ACBD6: variants seen among roughly 807,000 people sequenced by gnomAD.
ACBD6 encodes acyl-CoA-binding domain-containing protein 6.
Under a neutral mutation model 37.2 loss-of-function variants are expected in ACBD6, and 28 were observed. The observed-to-expected ratio is 0.75, with a 90% CI of 0.56 to 1.03. The LOEUF is 1.03. Among genes scored for constraint, ACBD6 ranks in the 50% least tolerant of loss-of-function variants. The pLI is 0.00. For synonymous variants in ACBD6, 113 were observed against 126.8 expected, an observed-to-expected ratio of 0.89 and a Z score of 0.73; for missense variants, 340 against 337.4, an observed-to-expected ratio of 1.01 and a Z score of -0.06.
At chr1:180,351,280 GTTTT>G (rs34763031) in intron 6 of ACBD6, among the ~76,000 whole-genome samples, 1 of 125,216 alleles carries the variant, frequency 8.0e-6, no homozygotes, top group Non-Finnish European at 1.8e-5. Context: ...CAGATATTAC[GTTTT>G]TTTTTTTTTT....
intron 6 of ACBD6, among the ~76,000 whole-genome samples, chr1:180,360,158 G>T (rs1413894693): frequency 6.6e-6 from 1 of 151,954 alleles, no homozygotes; most frequent in Non-Finnish European, 1.5e-5. Flanking sequence ...GAACACACAG[G>T]GACCTAAGTT....
At chr1:180,451,569 C>G (rs745491410) in intron 3 of ACBD6, among the ~76,000 whole-genome samples, 5 of 152,108 alleles carry the variant, frequency 3.3e-5, no homozygotes, top group Non-Finnish European at 4.4e-5. Flanking sequence ...AGTATTGATA[C>G]ATGCTACAAT....
At chr1:180,447,494 T>C (rs186574242) in intron 3 of ACBD6, among the ~76,000 whole-genome samples, 126 of 152,310 alleles carry the variant, frequency 8.3e-4, no homozygotes, top group Non-Finnish European at 1.4e-3. Flanking sequence ...TTGGCTTTTG[T>C]CAATTGTCTT....
At chr1:180,288,195 G>T, downstream of ACBD6, 1 of 866,502 alleles carries the variant, frequency 1.2e-6, no homozygotes, top group South Asian at 1.6e-5. Context: ...TGCCTAGAAT[G>T]TATGCAAGAA....
At chr1:180,430,293 A>C in intron 3 of ACBD6, 31 bp from the exon 4 acceptor site, 1 of 1,549,916 alleles carries the variant, frequency 6.5e-7, no homozygotes, top group Non-Finnish European at 8.9e-7. Context: ...AGTGAAAAAA[A>C]GACAAATGGG....
At chr1:180,304,148 T>A (rs1186006708) in intron 7 of ACBD6, among the ~76,000 whole-genome samples, 1 of 150,832 alleles carries the variant, frequency 6.6e-6, no homozygotes. Flanking sequence ...ACAGCCAATA[T>A]CATACTGAAT....
chr1:180,440,275 A>T (rs1649228061), intron 3 of ACBD6, among the ~76,000 whole-genome samples: 1 of 151,814 alleles, frequency 6.6e-6, no homozygotes, highest in African/African-American at 2.4e-5. Flanking sequence ...CACCCGACTA[A>T]TTTTTGCATT....
intron 3 of ACBD6, among the ~76,000 whole-genome samples, chr1:180,477,020 G>A (rs1650825334): frequency 6.6e-6 from 1 of 151,922 alleles, no homozygotes. Context: ...CCTTATCCAT[G>A]GGGTATGTAT....
At chr1:180,432,782 A>G (rs1334908665) in intron 3 of ACBD6, among the ~76,000 whole-genome samples, 1 of 152,186 alleles carries the variant, frequency 6.6e-6, no homozygotes, top group East Asian at 1.9e-4. Context: ...GAACAATTAC[A>G]TGCCAAAAAA....
At chr1:180,361,341 G>A (rs1235009099) in intron 6 of ACBD6, among the ~76,000 whole-genome samples, 8 of 148,352 alleles carry the variant, frequency 5.4e-5, no homozygotes, top group Non-Finnish European at 7.4e-5. Context: ...GAGGATGTCA[G>A]GGCGCTACCT....
chr1:180,310,383 C>T (rs1650539940), intron 7 of ACBD6, among the ~76,000 whole-genome samples: 1 of 152,138 alleles, frequency 6.6e-6, no homozygotes, highest in East Asian at 1.9e-4. Flanking sequence ...ACAAAAAAAC[C>T]CTACTAGAGG....
At chr1:180,480,934 G>A (rs944330712) in intron 3 of ACBD6, among the ~76,000 whole-genome samples, 10 of 152,020 alleles carry the variant, frequency 6.6e-5, no homozygotes, top group Admixed American at 5.2e-4. Context: ...AGGAGGCTGA[G>A]GCAGGAGAAT....
At chr1:180,430,131 A>T (rs765586006) in intron 4 of ACBD6, 49 bp downstream of exon 4, 7 of 1,491,562 alleles carry the variant, frequency 4.7e-6, no homozygotes, top group Admixed American at 1.7e-5. Flanking sequence ...ACACATGCAC[A>T]CACACAGGCA....
chr1:180,313,614 G>A (rs563670219), intron 7 of ACBD6, among the ~76,000 whole-genome samples: 2 of 152,322 alleles, frequency 1.3e-5, no homozygotes, highest in East Asian at 3.9e-4. Flanking sequence ...GCCAAGACTG[G>A]CAAGTGTATT....
chr1:180,487,084 C>T (rs1422624717), intron 3 of ACBD6, among the ~76,000 whole-genome samples: 1 of 151,566 alleles, frequency 6.6e-6, no homozygotes, highest in Non-Finnish European at 1.5e-5. Context: ...CAACTAAATA[C>T]GATGCATGAC....
chr1:180,283,603 T>C (rs1253942005), downstream of ACBD6, among the ~76,000 whole-genome samples: 2 of 152,208 alleles, frequency 1.3e-5, no homozygotes, highest in African/African-American at 4.8e-5. Flanking sequence ...GAAGGAATAG[T>C]GTCCCCAGAA....
At chr1:180,418,785 T>C (rs1558291737) in intron 4 of ACBD6, among the ~76,000 whole-genome samples, 1 of 152,244 alleles carries the variant, frequency 6.6e-6, no homozygotes, top group Non-Finnish European at 1.5e-5. Flanking sequence ...AATGAGAATC[T>C]ATACTATGAT....
intron 3 of ACBD6, among the ~76,000 whole-genome samples, chr1:180,474,459 A>C (rs1650705035): frequency 6.6e-6 from 1 of 152,154 alleles, no homozygotes; most frequent in African/African-American, 2.4e-5. Flanking sequence ...AAGCTAAAAA[A>C]AAAAATCTTC....
intron 7 of ACBD6, among the ~76,000 whole-genome samples, chr1:180,312,715 T>C (rs1650640506): frequency 2.0e-5 from 3 of 152,226 alleles, no homozygotes; most frequent in African/African-American, 7.2e-5. Flanking sequence ...AGTCTCCTTC[T>C]ATTCCTAGTT....
Sources: allele counts gnomAD v4.1 joint callset (sites outside exome capture counted in the v4.1 genomes callset), GRCh38; gene constraint gnomAD v4.1.1; transcripts MANE v1.5; gene names NCBI Gene and HGNC (gene_info 2026-07-23, HGNC 2026-07-21).